The following FRYL variants were observed in gnomAD, a reference collection of about 807,000 sequenced individuals.
FRYL encodes protein furry homolog-like.
In FRYL, 150 loss-of-function variants were observed where a neutral mutation model predicts 351.2. The observed-to-expected ratio is 0.43, with a 90% confidence interval of 0.37 to 0.49. The LOEUF is 0.49. Ranked by LOEUF, FRYL falls within the 20% of genes least tolerant of loss-of-function variation. The pLI, the probability that FRYL is intolerant of heterozygous loss-of-function variation, is 0.00. For missense variants in FRYL, 3,036 were observed against 3,619.3 expected (o/e 0.84, Z 4.13); for synonymous variants, 1,153 against 1,257.1 (o/e 0.92, Z 1.75).
Position 48,528,193 on chromosome 4 carries a change from T to C in FRYL, c.7047A>G (p.Lys2349=). 1.2e-6 allele frequency: 2 copies of C among 1,613,246 alleles called. No individual in the cohort carries two copies. ...NSNALVPVSW[K]RPQLSQRRTR... is the part of the protein sequence containing the mutation. ...TATGTACCTGTGATAACTGTGGCCT[T>C]TTCCAACTAACAGGAACCAAGGCAT... The change falls in exon 51 of 64, where the codon AAA becomes AAG. Residue 2349 remains lysine (K), a synonymous_variant. Coordinates refer to ENST00000358350, the MANE Select transcript of FRYL (RefSeq NM_015030.2).
intron 3 of FRYL, among the ~76,000 whole-genome samples, chr4:48,675,049 T>C (rs1374657262): frequency 2.0e-5 from 3 of 152,228 alleles, no homozygotes; most frequent in African/African-American, 4.8e-5. Context: ...AATTTCTTTT[T>C]TCTTTTTTGT....
intron 7 of FRYL, among the ~76,000 whole-genome samples, chr4:48,616,909 C>T (rs1235531383): frequency 2.0e-5 from 3 of 152,044 alleles, no homozygotes; most frequent in Admixed American, 6.6e-5. Context: ...TCTATTAAAC[C>T]TCATGTTATT....
intron 3 of FRYL, among the ~76,000 whole-genome samples, chr4:48,639,259 G>A (rs1023102393): frequency 2.6e-5 from 4 of 152,056 alleles, no homozygotes; most frequent in African/African-American, 9.7e-5. Context: ...TATTGAAGGA[G>A]AAGAAAAATG....
chr4:48,564,272 C>G (rs1424861198), intron 30 of FRYL, among the ~76,000 whole-genome samples, 170 bp from the exon 31 acceptor site: 2 of 152,152 alleles, frequency 1.3e-5, no homozygotes, highest in African/African-American at 4.8e-5. Context: ...CAGAAAAAAC[C>G]ACACAGATGA....
At chr4:48,621,329 T>C (rs1472232779) in intron 5 of FRYL, among the ~76,000 whole-genome samples, 1 of 152,226 alleles carries the variant, frequency 6.6e-6, no homozygotes, top group Non-Finnish European at 1.5e-5. Flanking sequence ...GTGTAAGGCT[T>C]AGACTACATA....
At chr4:48,600,233 T>C (rs1190338224) in intron 13 of FRYL, among the ~76,000 whole-genome samples, 2 of 152,128 alleles carry the variant, frequency 1.3e-5, no homozygotes, top group Admixed American at 6.5e-5. Flanking sequence ...ATACATAAAA[T>C]AAATAACTGT....
chr4:48,566,482 C>T (rs565748346), intron 28 of FRYL, among the ~76,000 whole-genome samples: 105 of 151,986 alleles, frequency 6.9e-4, no homozygotes, highest in African/African-American at 2.5e-3. Context: ...CAGAAAATTT[C>T]GAAAAAAATA....
In FRYL at chr4:48,666,536, T is replaced by C. The variant is rs564166963; in HGVS notation, c.-81+18137A>G. On this transcript the variant is annotated intron_variant, in intron 3 of 63. Coordinates refer to ENST00000358350, the MANE Select transcript of FRYL (RefSeq NM_015030.2). Reference sequence around the variant, plus strand: ...GGTTAACCTTAATCAAAATGCACTGTATTCAAAGCAATTTAGAAAAAGCTA... The same window carrying C: ...GGTTAACCTTAATCAAAATGCACTGCATTCAAAGCAATTTAGAAAAAGCTA... Among the ~76,000 whole-genome samples the C allele has an allele frequency of 3.3e-5, 5 of 152,262 alleles. No individual in the cohort carries two copies. In the South Asian group the frequency reaches 1.0e-3, roughly 32 times the overall value.
rs1461844093 is a variant in FRYL, at chr4:48,658,823, T to C, written c.-80-24333A>G. Among the ~76,000 whole-genome samples the C allele has an allele frequency of 4.7e-5, 7 of 149,496 alleles. No homozygotes were observed. The Admixed American group carries it at 4.7e-4, about 10-fold the overall frequency. On this transcript the variant is annotated intron_variant, in intron 3 of 63. Coordinates refer to ENST00000358350, the MANE Select transcript of FRYL (RefSeq NM_015030.2). ...AGGAAAGTTGCTTTTACATCTGTTATGTAATTACCACCACACATGAAATAT... is the reference window on the plus strand; with the variant it reads ...AGGAAAGTTGCTTTTACATCTGTTACGTAATTACCACCACACATGAAATAT...
At chr4:48,626,618 T>C (rs1336919477) in intron 4 of FRYL, among the ~76,000 whole-genome samples, 1 of 152,128 alleles carries the variant, frequency 6.6e-6, no homozygotes, top group East Asian at 1.9e-4. Flanking sequence ...TGTTTATAAG[T>C]ACATGATAAT....
At position 48,595,712 on chromosome 4, in the gene FRYL, G is replaced by C. The variant is rs1276841144; in HGVS notation, c.1140-14C>G. ...CTCATAAGACGACTACAGGGAAAAA[G>C]ATCTAGTCATAGTGAGATCATAACA... On this transcript the variant is annotated splice_polypyrimidine_tract_variant and intron_variant, in intron 14 of 63. Coordinates refer to ENST00000358350, the MANE Select transcript of FRYL (RefSeq NM_015030.2). 6.4e-7 allele frequency: 1 copy of C among 1,550,904 alleles called. No homozygotes were observed. The highest frequency in any genetic ancestry group is 8.9e-7 in the Non-Finnish European group (1 of 1,127,234).
intron 5 of FRYL, among the ~76,000 whole-genome samples, chr4:48,622,306 T>A (rs997587448): frequency 6.6e-6 from 1 of 152,206 alleles, no homozygotes; most frequent in African/African-American, 2.4e-5. Flanking sequence ...TATAAGGTGA[T>A]CTTATTATAG....
intron 1 of FRYL, among the ~76,000 whole-genome samples, chr4:48,724,605 A>G (rs1769876336): frequency 6.6e-6 from 1 of 152,166 alleles, no homozygotes; most frequent in African/African-American, 2.4e-5. Flanking sequence ...GATATTTACA[A>G]TCCCCAACAT....
rs1042275079 is a variant in FRYL at position 48,510,746 on chromosome 4, T to C, written c.8295+89A>G. The C allele has an allele frequency of 2.9e-6, 3 of 1,048,194 alleles. No individual in the cohort carries two copies. The African/African-American group carries it at 4.8e-5, about 17-fold the overall frequency. 64.9% of individuals were successfully genotyped at this position (1,048,194 alleles called of 1,614,324 possible). ...GTTGAAAATACGAACCTTTATACCA[T>C]AAAATTCAGAATTACTTAGAAAAAA... On this transcript the variant is annotated intron_variant, in intron 58 of 63. Coordinates refer to ENST00000358350, the MANE Select transcript of FRYL (RefSeq NM_015030.2).
At chr4:48,753,559 T>G (rs571604128) in intron 1 of FRYL, among the ~76,000 whole-genome samples, 2 of 152,192 alleles carry the variant, frequency 1.3e-5, no homozygotes, top group African/African-American at 4.8e-5. Flanking sequence ...TTATTAGATA[T>G]GATTTGCAAA....
intron 1 of FRYL, among the ~76,000 whole-genome samples, chr4:48,747,652 G>T (rs1176991831): frequency 6.6e-6 from 1 of 152,106 alleles, no homozygotes; most frequent in African/African-American, 2.4e-5. Flanking sequence ...TTTTTGACAA[G>T]GTAGAGTTCT....
At chr4:48,684,348 G>T (rs1764951233) in intron 3 of FRYL, among the ~76,000 whole-genome samples, 1 of 152,130 alleles carries the variant, frequency 6.6e-6, no homozygotes, top group African/African-American at 2.4e-5. Context: ...TGCTTCATCT[G>T]CTTCCTAAGC....
At chr4:48,510,524 C>T (rs181235826) in intron 58 of FRYL, among the ~76,000 whole-genome samples, 24 of 152,156 alleles carry the variant, frequency 1.6e-4, no homozygotes, top group East Asian at 1.9e-4. Flanking sequence ...GGGTATTTCA[C>T]GGGTGGAGGT....
intron 1 of FRYL, among the ~76,000 whole-genome samples, chr4:48,711,842 C>T (rs1362452332): frequency 2.0e-5 from 3 of 152,206 alleles, no homozygotes; most frequent in African/African-American, 7.2e-5. Context: ...TGACACCTCA[C>T]ACGGCCGGGT....
Sources: allele counts gnomAD v4.1 joint callset (sites outside exome capture counted in the v4.1 genomes callset), GRCh38; gene constraint gnomAD v4.1.1; transcripts MANE v1.5; gene names NCBI Gene and HGNC (gene_info 2026-07-23, HGNC 2026-07-21).